The following CCSER1 variants were observed in gnomAD, a reference collection of about 807,000 sequenced individuals.
CCSER1 encodes coiled-coil serine rich protein 1, also known as serine-rich coiled-coil domain-containing protein 1.
In CCSER1, 41 loss-of-function variants were observed where a neutral mutation model predicts 82.0. The observed-to-expected ratio is 0.50, with a 90% CI of 0.39 to 0.65. The LOEUF is 0.65. CCSER1 is among the 30% of genes least tolerant of loss of function. The pLI, the probability that CCSER1 is intolerant of heterozygous loss-of-function variation, is 0.00. For missense variants in CCSER1, 1,119 were observed against 1,064.2 expected (o/e 1.05, Z -0.72); for synonymous variants, 414 against 383.9 (o/e 1.08, Z -0.92).
intron 5 of CCSER1, among the ~76,000 whole-genome samples, chr4:90,543,312 G>T (rs1776330205): frequency 6.6e-6 from 1 of 152,064 alleles, no homozygotes; most frequent in Admixed American, 6.6e-5. Context: ...ATTTTTCACT[G>T]CCAGGTGCAA....
At chr4:91,407,806 A>G (rs779389694) in intron 10 of CCSER1, among the ~76,000 whole-genome samples, 1 of 152,192 alleles carries the variant, frequency 6.6e-6, no homozygotes, top group Non-Finnish European at 1.5e-5. Context: ...GATCCATTCC[A>G]TGACTCAAAT....
chr4:91,413,242 A>G (rs1004312557), intron 10 of CCSER1, among the ~76,000 whole-genome samples: 3 of 152,156 alleles, frequency 2.0e-5, no homozygotes, highest in Non-Finnish European at 4.4e-5. Context: ...CAGGAGTTTG[A>G]GACCAGCCTG....
chr4:90,394,847 G>A (rs987152495), intron 3 of CCSER1, among the ~76,000 whole-genome samples: 2 of 152,074 alleles, frequency 1.3e-5, no homozygotes, highest in Non-Finnish European at 1.5e-5. Flanking sequence ...ACATGATTTT[G>A]ATATATGTGT....
chr4:91,155,332 G>A (rs1183313355), intron 10 of CCSER1, among the ~76,000 whole-genome samples: 1 of 151,928 alleles, frequency 6.6e-6, no homozygotes, highest in Non-Finnish European at 1.5e-5. Context: ...TGCCATGTAA[G>A]ATGGCTTTTT....
chr4:91,352,024 A>C (rs1748504430), intron 10 of CCSER1, among the ~76,000 whole-genome samples: 1 of 152,192 alleles, frequency 6.6e-6, no homozygotes, highest in Non-Finnish European at 1.5e-5. Context: ...GGCATTTGAT[A>C]ACATTTATAT....
Position 90,836,142 on chromosome 4 carries a change from G to A in CCSER1, c.2094+20297G>A, listed in dbSNP as rs1188199028. On this transcript the variant is annotated intron_variant, in intron 8 of 10. Transcript: ENST00000509176. ...ACACTGTTGGATAAAAAATTCTTAGGTACAAATAAAGTTGACAGGTAGGAC... is the reference window on the plus strand; with the variant it reads ...ACACTGTTGGATAAAAAATTCTTAGATACAAATAAAGTTGACAGGTAGGAC... Among the ~76,000 whole-genome samples the A allele has an allele frequency of 2.0e-5, 3 of 152,018 alleles. No individual in the cohort carries two copies. In the East Asian group the frequency reaches 5.8e-4, roughly 29 times the overall value.
intron 10 of CCSER1, among the ~76,000 whole-genome samples, chr4:91,088,676 A>C (rs1723629415): frequency 6.6e-6 from 1 of 152,180 alleles, no homozygotes; most frequent in South Asian, 2.1e-4. Context: ...GAGGGGGCTG[A>C]TTATAATAGA....
chr4:90,277,198 G>T (rs935520386), intron 1 of CCSER1, among the ~76,000 whole-genome samples: 2 of 152,034 alleles, frequency 1.3e-5, no homozygotes, highest in African/African-American at 4.8e-5. Context: ...CATGCTCATG[G>T]ATTGGGAGAA....
At chr4:91,008,081 A>G (rs1231543595) in intron 9 of CCSER1, among the ~76,000 whole-genome samples, 1 of 152,014 alleles carries the variant, frequency 6.6e-6, no homozygotes, top group East Asian at 1.9e-4. Context: ...ATACACTGTG[A>G]TTGGAAACAA....
intron 10 of CCSER1, among the ~76,000 whole-genome samples, chr4:91,463,473 G>C (rs1052555202): frequency 6.6e-6 from 1 of 152,236 alleles, no homozygotes; most frequent in African/African-American, 2.4e-5. Context: ...AAGGAATGCA[G>C]CTCCTCACCA....
chr4:91,264,358 T>C (rs968332138), intron 10 of CCSER1, among the ~76,000 whole-genome samples: 3 of 151,908 alleles, frequency 2.0e-5, no homozygotes, highest in Admixed American at 1.3e-4. Flanking sequence ...AGGTACTTCA[T>C]AATCTTTCTC....
At position 91,496,720 on chromosome 4, in the gene CCSER1, TAGA is replaced by T. The variant is rs1237512470; in HGVS notation, c.2218-101850_2218-101848del. Among the ~76,000 whole-genome samples, 29 of 40,528 alleles carry T rather than the reference TAGA, an allele frequency of 7.2e-4. 3 individuals carry two copies. The highest frequency in any genetic ancestry group is 1.9e-3 in the African/African-American group (29 of 15,350). The allele number at this position is 40,528 out of a possible 152,430, so 26.6% of individuals were successfully genotyped here. A position where few individuals can be genotyped will look rare whatever the true frequency, so the allele number is the denominator to read the frequency against. On this transcript the variant is annotated intron_variant, in intron 10 of 10. Coordinates refer to ENST00000509176, the MANE Select transcript of CCSER1 (RefSeq NM_001145065.2). ...TCAATATATATATATATTCAATATA[TAGA>T]ATATATATATATATTGAATATATAT...
intron 5 of CCSER1, among the ~76,000 whole-genome samples, chr4:90,599,438 C>T (rs1211083344): frequency 6.6e-6 from 1 of 152,082 alleles, no homozygotes; most frequent in African/African-American, 2.4e-5. Context: ...TTTCCTGAGG[C>T]CTCTCCAGCC....
chr4:91,593,506 G>A (rs371489918), intron 10 of CCSER1, among the ~76,000 whole-genome samples: 29 of 110,914 alleles, frequency 2.6e-4, no homozygotes, highest in African/African-American at 9.5e-4. Flanking sequence ...TACAGACAGG[G>A]TTTCACCATG....
intron 1 of CCSER1, among the ~76,000 whole-genome samples, chr4:90,282,340 T>A (rs1046152978): frequency 4.6e-5 from 7 of 151,814 alleles, no homozygotes; most frequent in African/African-American, 1.7e-4. Flanking sequence ...AAAGCACTGT[T>A]TGGCGTATCC....
At chr4:90,308,210 ATTGAC>A (rs1734652670) in intron 1 of CCSER1, 29 bp from the exon 2 acceptor site, 1 of 1,393,840 alleles carries the variant, frequency 7.2e-7, no homozygotes, top group Non-Finnish European at 9.5e-7. Flanking sequence ...GTTGAATTCT[ATTGAC>A]TTGTTGTTTT....
In CCSER1 at chr4:90,782,681, C is replaced by CTTTTTTTT. The variant is rs200701722; in HGVS notation, c.2011-33078_2011-33077insTTTTTTTT. 2.3e-3 allele frequency among the ~76,000 whole-genome samples: 291 copies of CTTTTTTTT among 123,894 alleles called. 7 individuals carry two copies. Among genetic ancestry groups the CTTTTTTTT allele is most frequent in the Non-Finnish European group, 3.0e-3 (173 of 57,918 alleles). 81.3% of individuals were successfully genotyped at this position (123,894 alleles called of 152,430 possible). A position where few individuals can be genotyped will look rare whatever the true frequency, so the allele number is the denominator to read the frequency against. On this transcript the variant is annotated intron_variant, in intron 7 of 10. Transcript: ENST00000509176. ...GGACAGGGATTTCTTTCTTTTCTTTCTTTCTTTTTTTTTTTTTTTTGAGAC... is the reference window on the plus strand; with the variant it reads ...GGACAGGGATTTCTTTCTTTTCTTTCTTTTTTTTTTTCTTTTTTTTTTTTTTTTGAGAC...
At chr4:91,021,184 A>G (rs1338261503) in intron 9 of CCSER1, among the ~76,000 whole-genome samples, 1 of 152,024 alleles carries the variant, frequency 6.6e-6, no homozygotes, top group African/African-American at 2.4e-5. Flanking sequence ...CTGTTTGACT[A>G]TTTTCTTTTA....
chr4:90,909,345 C>T (rs7683238), intron 8 of CCSER1, among the ~76,000 whole-genome samples: 81,470 of 151,980 alleles, frequency 0.54, 23,568 homozygotes, highest in African/African-American at 0.76. Context: ...TTTGGAGGTA[C>T]ACAGTTCCAG....
Sources: gnomAD v4.1 joint callset for allele counts (sites outside exome capture counted in the v4.1 genomes callset) on GRCh38, gnomAD v4.1.1 for gene constraint, MANE v1.5 for transcripts, NCBI Gene and HGNC (gene_info 2026-07-23, HGNC 2026-07-21) for gene names.